The following KLRF2 variants were observed in gnomAD, a reference collection of about 807,000 sequenced individuals.
The protein encoded by KLRF2 is killer cell lectin-like receptor subfamily F member 2.
KLRF2 carries 28 observed loss-of-function variants against 25.3 expected under a neutral mutation model. The observed-to-expected ratio is 1.11, with a 90% CI of 0.82 to 1.52. KLRF2 has a LOEUF of 1.52. Ranked by LOEUF, KLRF2 falls within the 40% of genes most tolerant of loss-of-function variation. The probability of loss-of-function intolerance (pLI) is 0.00; values close to 1 mark genes in which losing one functional copy is unlikely to be tolerated. For missense variants in KLRF2, 265 were observed against 245.8 expected (o/e 1.08, Z -0.52); for synonymous variants, 73 against 85.0 (o/e 0.86, Z 0.78).
chr12:9,889,371 A>G (rs879910705), intron 3 of KLRF2, among the ~76,000 whole-genome samples: 8 of 152,140 alleles, frequency 5.3e-5, no homozygotes, highest in Non-Finnish European at 1.0e-4. Context: ...TATTTTTTAG[A>G]TGAAATTGGA....
Position 9,881,517 on chromosome 12 carries a change from A to T in KLRF2, c.-79A>T. On this transcript the variant is annotated 5_prime_UTR_variant, in exon 1 of 6. Coordinates refer to ENST00000535540, the MANE Select transcript of KLRF2 (RefSeq NM_001190765.1). Reference sequence around the variant, plus strand: ...TTTCTTTTAGTACCTTGTGCCAAAGAGACATATCCAAGGTTGAGATTAGTT... The same window carrying T: ...TTTCTTTTAGTACCTTGTGCCAAAGTGACATATCCAAGGTTGAGATTAGTT... 1 of 1,040,506 alleles carries T rather than the reference A, an allele frequency of 9.6e-7. No homozygotes were observed. The highest frequency in any genetic ancestry group is 2.2e-5 in the Admixed American group (1 of 46,390). The allele number at this position is 1,040,506 out of a possible 1,614,324, so 64.5% of individuals were successfully genotyped here. A position where few individuals can be genotyped will look rare whatever the true frequency, so the allele number is the denominator to read the frequency against.
At chr12:9,884,555 A>G (rs961779395) in intron 1 of KLRF2, among the ~76,000 whole-genome samples, 1 of 149,412 alleles carries the variant, frequency 6.7e-6, no homozygotes, top group African/African-American at 2.4e-5. Flanking sequence ...TTCTTTCTAT[A>G]TAATTTACAT....
At chr12:9,882,820 A>G (rs905955608) in intron 1 of KLRF2, among the ~76,000 whole-genome samples, 9 of 152,156 alleles carry the variant, frequency 5.9e-5, no homozygotes, top group Non-Finnish European at 2.9e-5. Context: ...TAAAGCCCAC[A>G]GACTAAATGT....
intron 3 of KLRF2, among the ~76,000 whole-genome samples, chr12:9,891,836 T>A (rs1423791391): frequency 7.2e-5 from 11 of 152,224 alleles, no homozygotes. Flanking sequence ...TAGCTGGACA[T>A]ATAGTTTAAT....
intron 2 of KLRF2, among the ~76,000 whole-genome samples, chr12:9,887,519 T>C (rs981514053): frequency 1.3e-5 from 2 of 152,174 alleles, no homozygotes; most frequent in African/African-American, 4.8e-5. Flanking sequence ...ATTCATTGTT[T>C]TGGAATAACA....
intron 2 of KLRF2, 106 bp from the exon 3 acceptor site, chr12:9,888,626 AT>A (rs751319789): frequency 2.9e-5 from 18 of 616,648 alleles, no homozygotes; most frequent in Non-Finnish European, 4.8e-5. Context: ...GAAACTCACA[AT>A]TTTTATTAGT....
rs1037497639 is a variant in KLRF2 at position 9,884,979 on chromosome 12, G to C, written c.116G>C (p.Gly39Ala). ...PQYYCLLLIF[G>A]CIVILIFIMT... Reference sequence around the variant, plus strand: ...TATTATTGTCTTCTGCTCATATTTGGATGCATTGTGATCCTTATATTCATT... The same window carrying C: ...TATTATTGTCTTCTGCTCATATTTGCATGCATTGTGATCCTTATATTCATT... Residue 39 changes from glycine (G) to alanine (A), a missense_variant, in exon 2 of 6, where the codon GGA becomes GCA. Physicochemically the swap from Gly to Ala is moderately conservative, Grantham distance 60. Coordinates refer to ENST00000535540, the MANE Select transcript of KLRF2 (RefSeq NM_001190765.1). The C allele has an allele frequency of 3.9e-5, 53 of 1,347,994 alleles. No individual in the cohort carries two copies. Among genetic ancestry groups the C allele is most frequent in the Admixed American group, 5.9e-5 (2 of 33,662 alleles). 83.5% of individuals were successfully genotyped at this position (1,347,994 alleles called of 1,614,324 possible).
At chr12:9,885,508 G>A (rs1008554208) in intron 2 of KLRF2, among the ~76,000 whole-genome samples, 35 of 151,918 alleles carry the variant, frequency 2.3e-4, no homozygotes, top group Admixed American at 1.2e-3. Flanking sequence ...GAGCTCAAAT[G>A]AGTAGTGTTT....
intron 2 of KLRF2, among the ~76,000 whole-genome samples, chr12:9,888,467 G>T (rs550597751): frequency 6.6e-6 from 1 of 151,530 alleles, no homozygotes; most frequent in African/African-American, 2.4e-5. Flanking sequence ...TGCAGCCTGG[G>T]CAACAGAGTG....
At position 9,884,958 on chromosome 12, in the gene KLRF2, A is replaced by G. The variant is rs1298886169; in HGVS notation, c.95A>G (p.Tyr32Cys). ...SKDFSLYPQY[Y>C]CLLLIFGCIV... The stretch of plus-strand genomic sequence containing the variant: ...GATTTCTCCCTATATCCACAATATT[A>G]TTGTCTTCTGCTCATATTTGGATGC... Residue 32 changes from tyrosine to cysteine, a missense_variant, in exon 2 of 6, where the codon TAT becomes TGT. Tyr to Cys is a radical substitution (Grantham distance 194). Coordinates refer to ENST00000535540, the MANE Select transcript of KLRF2 (RefSeq NM_001190765.1). 3.8e-6 allele frequency: 5 copies of G among 1,306,164 alleles called. No homozygotes were observed. The highest frequency in any genetic ancestry group is 5.0e-6 in the Non-Finnish European group (5 of 1,007,404). The allele number at this position is 1,306,164 out of a possible 1,614,324, so 80.9% of individuals were successfully genotyped here. A position where few individuals can be genotyped will look rare whatever the true frequency, so the allele number is the denominator to read the frequency against.
intron 4 of KLRF2, 77 bp from the exon 5 acceptor site, chr12:9,893,352 C>T: frequency 1.2e-6 from 1 of 817,320 alleles, no homozygotes; most frequent in Admixed American, 2.8e-5. Context: ...TTAATGCCGG[C>T]ACAGAGACTT....
At chr12:9,893,280 C>A in intron 4 of KLRF2, 112 bp downstream of exon 4, 1 of 993,934 alleles carries the variant, frequency 1.0e-6, no homozygotes, top group Non-Finnish European at 1.4e-6. Context: ...CATGTGTTAG[C>A]CACAATGTAG....
chr12:9,886,209 C>A (rs1054005439), intron 2 of KLRF2, among the ~76,000 whole-genome samples: 3 of 151,928 alleles, frequency 2.0e-5, no homozygotes, highest in African/African-American at 7.3e-5. Context: ...GTAACAATTA[C>A]AATATGTGTG....
chr12:9,893,951 T>A (rs1862719998), intron 5 of KLRF2, among the ~76,000 whole-genome samples: 1 of 152,124 alleles, frequency 6.6e-6, no homozygotes, highest in Admixed American at 6.5e-5. Flanking sequence ...GGAGTTGAAA[T>A]CAGAAAACAT....
chr12:9,893,707 C>T (rs962047401), intron 5 of KLRF2, among the ~76,000 whole-genome samples, 166 bp downstream of exon 5: 15 of 45,182 alleles, frequency 3.3e-4, no homozygotes, highest in African/African-American at 6.8e-4. Context: ...CTTCCTCCCT[C>T]CCTTTTTTTT....
At chr12:9,893,289 A>G in intron 4 of KLRF2, 121 bp downstream of exon 4, 1 of 928,988 alleles carries the variant, frequency 1.1e-6, no homozygotes. Flanking sequence ...GCCACAATGT[A>G]GTCACTATTG....
At chr12:9,891,706 C>A (rs371836118) in intron 3 of KLRF2, among the ~76,000 whole-genome samples, 1 of 152,096 alleles carries the variant, frequency 6.6e-6, no homozygotes, top group Non-Finnish European at 1.5e-5. Flanking sequence ...GCATTGGCCA[C>A]TCTTGCCCGG....
chr12:9,882,582 A>C (rs938431237), intron 1 of KLRF2, among the ~76,000 whole-genome samples: 1 of 152,158 alleles, frequency 6.6e-6, no homozygotes, highest in Non-Finnish European at 1.5e-5. Flanking sequence ...ATTCGAGACC[A>C]GCCTGGCCAA....
In KLRF2 at chr12:9,895,449, G is replaced by A. The variant is rs190892968; in HGVS notation, c.480-240G>A. On this transcript the variant is annotated intron_variant, in intron 5 of 5. Coordinates refer to ENST00000535540, the MANE Select transcript of KLRF2 (RefSeq NM_001190765.1). ...GGTCTTGCAGGCGTAGATAATGAGA[G>A]GTTTGAGAGGTAAGGAAGAAGCTGG... Among the ~76,000 whole-genome samples, 30 of 152,276 alleles carry A rather than the reference G, an allele frequency of 2.0e-4. 1 individual carries two copies. The highest frequency in any genetic ancestry group is 1.6e-3 in the Admixed American group (24 of 15,288).
Sources: gnomAD v4.1 joint callset for allele counts (sites outside exome capture counted in the v4.1 genomes callset) on GRCh38, gnomAD v4.1.1 for gene constraint, MANE v1.5 for transcripts, NCBI Gene and HGNC (gene_info 2026-07-23, HGNC 2026-07-21) for gene names.